MAP3K7CL: variants seen among roughly 807,000 people sequenced by gnomAD.
The protein encoded by MAP3K7CL is MAP3K7 C-terminal-like protein.
In MAP3K7CL, 16 loss-of-function variants were observed where a neutral mutation model predicts 18.6. The observed-to-expected ratio is 0.86, with a 90% confidence interval of 0.58 to 1.31. The LOEUF is 1.31. Ranked by LOEUF, MAP3K7CL falls within the 50% of genes most tolerant of loss-of-function variation. The pLI is 0.00. For missense variants in MAP3K7CL, 163 were observed against 174.4 expected, an observed-to-expected ratio of 0.93 and a Z score of 0.37; for synonymous variants, 65 against 66.8, an observed-to-expected ratio of 0.97 and a Z score of 0.13.
Position 29,091,596 on chromosome 21 carries a change from C to A in MAP3K7CL, c.133+20C>A, listed in dbSNP as rs1274757243. On this transcript the variant is annotated intron_variant, in intron 2 of 6. Coordinates refer to the MAP3K7CL transcript ENST00000286791. ...GCCCAGGTAATTGTCCCACCTCAGC[C>A]CCTCAAGTAACTGGGACCACAGGCG... The A allele has an allele frequency of 4.3e-6, 3 of 700,518 alleles. No individual in the cohort carries two copies. The Admixed American group carries it at 6.0e-5, about 14-fold the overall frequency. 43.4% of individuals were successfully genotyped at this position (700,518 alleles called of 1,614,324 possible).
rs902053961 is a variant in MAP3K7CL, at chr21:29,133,423, T to C, written c.70+9T>C. On this transcript the variant is annotated intron_variant, in intron 2 of 4. Coordinates refer to ENST00000399928, the MANE Select transcript of MAP3K7CL (RefSeq NM_001286620.2). ...CCTCAATGACGCCTCAGGTATACTCTGCTCTGGAAGAAGGATTGTTTCCTT... is the reference window on the plus strand; with the variant it reads ...CCTCAATGACGCCTCAGGTATACTCCGCTCTGGAAGAAGGATTGTTTCCTT... 20 of 1,522,348 alleles carry C rather than the reference T, an allele frequency of 1.3e-5. No individual in the cohort carries two copies. The highest frequency in any genetic ancestry group is 1.8e-5 in the Non-Finnish European group (20 of 1,127,466). 94.3% of individuals were successfully genotyped at this position (1,522,348 alleles called of 1,614,324 possible).
At chr21:29,151,041 A>G (rs68045929) in intron 3 of MAP3K7CL, among the ~76,000 whole-genome samples, 66,344 of 150,948 alleles carry the variant, frequency 0.44, 14,897 homozygotes, top group East Asian at 0.6. Context: ...AAGTGCTAGG[A>G]TTGCAGGCGT....
chr21:29,132,794 G>A (rs1328123868), intron 1 of MAP3K7CL, among the ~76,000 whole-genome samples: 1 of 152,136 alleles, frequency 6.6e-6, no homozygotes, highest in South Asian at 2.1e-4. Flanking sequence ...ACAGGCATGA[G>A]CCACCACACC....
At chr21:29,134,189 C>T (rs1890456326) in intron 2 of MAP3K7CL, among the ~76,000 whole-genome samples, 1 of 152,076 alleles carries the variant, frequency 6.6e-6, no homozygotes, top group Admixed American at 6.6e-5. Context: ...CTCTCTCTCT[C>T]TTGCTATAAT....
intron 4 of MAP3K7CL, among the ~76,000 whole-genome samples, chr21:29,114,806 A>G (rs9975695): frequency 0.026 from 3,944 of 152,258 alleles, 134 homozygotes; most frequent in East Asian, 0.17. Context: ...ATTAATGGGA[A>G]TGTCTACATT....
intron 1 of MAP3K7CL, chr21:29,080,683 T>A (rs2085821176): frequency 6.6e-6 from 1 of 152,204 alleles, no homozygotes; most frequent in South Asian, 2.1e-4. Context: ...CCCACCTTGC[T>A]GATCATTCGT....
chr21:29,114,526 G>A (rs1221266629), intron 4 of MAP3K7CL, among the ~76,000 whole-genome samples: 3 of 151,994 alleles, frequency 2.0e-5, no homozygotes, highest in South Asian at 4.1e-4. Context: ...AAGTAGCTGA[G>A]TCTACAGGTG....
chr21:29,095,842 T>G (rs1300665054), intron 4 of MAP3K7CL, among the ~76,000 whole-genome samples: 2 of 152,180 alleles, frequency 1.3e-5, no homozygotes, highest in Non-Finnish European at 2.9e-5. Context: ...AAGACTAAAG[T>G]GTCAAGGAAT....
At chr21:29,150,182 G>T (rs1413721576) in intron 3 of MAP3K7CL, among the ~76,000 whole-genome samples, 2 of 152,154 alleles carry the variant, frequency 1.3e-5, no homozygotes, top group Non-Finnish European at 2.9e-5. Context: ...TTTGAGTTTG[G>T]CATTCTTATT....
At chr21:29,078,879 G>T (rs2085792213) in intron 1 of MAP3K7CL, among the ~76,000 whole-genome samples, 1 of 152,200 alleles carries the variant, frequency 6.6e-6, no homozygotes, top group African/African-American at 2.4e-5. Context: ...CATGGCTAAG[G>T]TAAAGTCCTG....
At chr21:29,155,789 A>G (rs1168665515) in intron 3 of MAP3K7CL, among the ~76,000 whole-genome samples, 1 of 152,148 alleles carries the variant, frequency 6.6e-6, no homozygotes, top group Admixed American at 6.5e-5. Flanking sequence ...AGGAGGAAGT[A>G]TCTCCTCCTG....
intron 4 of MAP3K7CL, among the ~76,000 whole-genome samples, chr21:29,104,744 A>G (rs2086291304): frequency 6.6e-6 from 1 of 152,202 alleles, no homozygotes; most frequent in Admixed American, 6.5e-5. Flanking sequence ...GCATCACCCC[A>G]AAAGTGCGCT....
At chr21:29,100,083 TAAAAAAAA>T (rs397727880) in intron 4 of MAP3K7CL, among the ~76,000 whole-genome samples, 1 of 122,856 alleles carries the variant, frequency 8.1e-6, no homozygotes, top group South Asian at 2.6e-4. Flanking sequence ...ACTCCGTCTT[TAAAAAAAA>T]AAAAAAAAAA....
chr21:29,084,081 A>T (rs1000129571), upstream of MAP3K7CL, among the ~76,000 whole-genome samples: 15 of 144,350 alleles, frequency 1.0e-4, no homozygotes, highest in Admixed American at 6.2e-4. Context: ...ATATGTATAT[A>T]TTTTTTTTTC....
In MAP3K7CL at chr21:29,160,011, A is replaced by C; in HGVS notation, c.203A>C (p.Glu68Ala). Reference sequence around the variant, plus strand: ...AAACAGCACTGCCAAATAGCAGAAGAATACCATGAGGTCAAAAAGGAAATC... The same window carrying C: ...AAACAGCACTGCCAAATAGCAGAAGCATACCATGAGGTCAAAAAGGAAATC... ...VFKQHCQIAE[E>A]YHEVKKEITL... Residue 68 changes from glutamate to alanine, a missense_variant, in exon 4 of 5, where the codon GAA becomes GCA. By Grantham distance (107) the Glu-to-Ala change is moderately radical. Coordinates refer to ENST00000399928, the MANE Select transcript of MAP3K7CL (RefSeq NM_001286620.2). The C allele has an allele frequency of 6.2e-7, 1 of 1,614,144 alleles. No homozygotes were observed. Among genetic ancestry groups the C allele is most frequent in the Non-Finnish European group, 8.5e-7 (1 of 1,179,972 alleles).
intron 4 of MAP3K7CL, among the ~76,000 whole-genome samples, chr21:29,122,478 G>A (rs1185081598): frequency 1.3e-5 from 2 of 152,180 alleles, no homozygotes; most frequent in Admixed American, 6.5e-5. Flanking sequence ...GTAAATTGTG[G>A]GCGATTTTAT....
chr21:29,147,729 T>C (rs1270992587), intron 2 of MAP3K7CL, among the ~76,000 whole-genome samples: 1 of 151,892 alleles, frequency 6.6e-6, no homozygotes, highest in African/African-American at 2.4e-5. Flanking sequence ...TGTATATGTA[T>C]GTGTACTGTG....
At chr21:29,090,180 AG>A (rs1359376462) in intron 1 of MAP3K7CL, among the ~76,000 whole-genome samples, 2 of 152,158 alleles carry the variant, frequency 1.3e-5, no homozygotes, top group Non-Finnish European at 2.9e-5. Flanking sequence ...TAGCCTGCAG[AG>A]GGTGCACTTT....
At chr21:29,159,688 G>A (rs2087494702) in intron 3 of MAP3K7CL, among the ~76,000 whole-genome samples, 1 of 152,118 alleles carries the variant, frequency 6.6e-6, no homozygotes, top group South Asian at 2.1e-4. Context: ...GGATTTCAGG[G>A]CTCTGGCTCA....
Sources: gnomAD v4.1 joint callset for allele counts (sites outside exome capture counted in the v4.1 genomes callset) on GRCh38, gnomAD v4.1.1 for gene constraint, MANE v1.5 for transcripts, NCBI Gene and HGNC (gene_info 2026-07-23, HGNC 2026-07-21) for gene names.